The following PPIP5K2 variants were observed in gnomAD, a reference collection of about 807,000 sequenced individuals.
The protein encoded by PPIP5K2 is diphosphoinositol pentakisphosphate kinase 2.
PPIP5K2 carries 105 observed loss-of-function variants against 154.6 expected under a neutral mutation model. The observed-to-expected ratio is 0.68, with a 90% CI of 0.58 to 0.80. The LOEUF is 0.80. Ranked by LOEUF, PPIP5K2 falls within the 30% of genes least tolerant of loss-of-function variation. The pLI is 0.00. For synonymous variants in PPIP5K2, 480 were observed against 490.3 expected (o/e 0.98, Z 0.28); for missense variants, 992 against 1,504.6 (o/e 0.66, Z 5.64).
rs143121430 is a variant in PPIP5K2 at position 103,196,412 on chromosome 5, A to G, written c.3619+1387A>G. On this transcript the variant is annotated intron_variant, in intron 30 of 30. Transcript: ENST00000358359. ...AACTAATAAGTATGTGAAACAACAG[A>G]CAATTGAATAAGTATCTTAAACATA... 6.8e-3 allele frequency among the ~76,000 whole-genome samples: 1,029 copies of G among 152,318 alleles called. 7 individuals carry two copies. The highest frequency in any genetic ancestry group is 0.013 in the Non-Finnish European group (856 of 68,012).
chr5:103,164,818 C>G (rs938044927), intron 17 of PPIP5K2, among the ~76,000 whole-genome samples: 18 of 152,058 alleles, frequency 1.2e-4, no homozygotes, highest in Admixed American at 3.3e-4. Context: ...GGTTAAATAA[C>G]TTGCCAAGCT....
intron 5 of PPIP5K2, among the ~76,000 whole-genome samples, chr5:103,138,848 A>G (rs189346658): frequency 7.5e-4 from 114 of 152,386 alleles, no homozygotes; most frequent in African/African-American, 2.6e-3. Context: ...CTGGCCAAGA[A>G]TTTGGAAATA....
chr5:103,164,769 C>T (rs1160062365), intron 17 of PPIP5K2, among the ~76,000 whole-genome samples: 1 of 152,050 alleles, frequency 6.6e-6, no homozygotes, highest in Non-Finnish European at 1.5e-5. Context: ...AGTAGAATTG[C>T]ACTTGACATT....
chr5:103,124,095 A>C (rs1789222606), intron 1 of PPIP5K2, among the ~76,000 whole-genome samples: 1 of 152,014 alleles, frequency 6.6e-6, no homozygotes, highest in Non-Finnish European at 1.5e-5. Flanking sequence ...CCTGGCTAAC[A>C]CTGTGAAACT....
intron 1 of PPIP5K2, among the ~76,000 whole-genome samples, chr5:103,122,735 T>G (rs1788977055): frequency 6.6e-6 from 1 of 152,168 alleles, no homozygotes; most frequent in African/African-American, 2.4e-5. Flanking sequence ...GAGCTCCCAT[T>G]TCCTCTGATT....
At chr5:103,153,299 T>C (rs1047976583) in intron 10 of PPIP5K2, among the ~76,000 whole-genome samples, 7 of 151,852 alleles carry the variant, frequency 4.6e-5, no homozygotes, top group African/African-American at 1.7e-4. Context: ...GGTAACTCAA[T>C]TGATAATCCT....
intron 1 of PPIP5K2, among the ~76,000 whole-genome samples, chr5:103,121,754 A>G (rs75027856): frequency 0.012 from 1,753 of 152,330 alleles, 18 homozygotes; most frequent in Middle Eastern, 0.02. Context: ...TTTAAAATCA[A>G]AGGTTGCTGT....
At chr5:103,180,273 G>T in intron 24 of PPIP5K2, 85 bp downstream of exon 24, 2 of 1,208,086 alleles carry the variant, frequency 1.7e-6, no homozygotes, top group Admixed American at 6.6e-5. Flanking sequence ...AGCTTTAATT[G>T]TGGAGCTTGG....
In PPIP5K2 at chr5:103,204,850, A is replaced by G. The variant is rs1803416127; in HGVS notation, c.*3216A>G. 1 of 152,068 alleles carries G rather than the reference A, an allele frequency of 6.6e-6. No individual in the cohort carries two copies. 9.4% of individuals were successfully genotyped at this position (152,068 alleles called of 1,614,324 possible). ...GTGAATTATAGCTCCTTAACTAAAT[A>G]TATTACTGAGTTTTTTTTTTAATAC... On this transcript the variant is annotated 3_prime_UTR_variant, in exon 31 of 31. Transcript: ENST00000358359.
At chr5:103,129,789 A>G in intron 2 of PPIP5K2, 86 bp downstream of exon 2, 1 of 1,395,072 alleles carries the variant, frequency 7.2e-7, no homozygotes, top group Non-Finnish European at 9.3e-7. Flanking sequence ...TTTTGTTGGA[A>G]AATTTTTGAA....
chr5:103,142,741 A>C (rs1793027056), intron 5 of PPIP5K2, among the ~76,000 whole-genome samples: 1 of 149,120 alleles, frequency 6.7e-6, no homozygotes, highest in Non-Finnish European at 1.5e-5. Flanking sequence ...GCGCCACTGC[A>C]CTCCAGCCTG....
In PPIP5K2 at chr5:103,207,592, A is replaced by T. The variant is rs26815; in HGVS notation, c.*5958A>T. 0.45 allele frequency: 68,005 copies of T among 151,662 alleles called. 16,732 individuals carry two copies. The highest frequency in any genetic ancestry group is 0.66 in the African/African-American group (27,380 of 41,350). The allele number at this position is 151,662 out of a possible 1,614,324, so 9.4% of individuals were successfully genotyped here. A position where few individuals can be genotyped will look rare whatever the true frequency, so the allele number is the denominator to read the frequency against. ...TTTTAAAGTCTATATATATATATAT[A>T]TAGATCCTATCTGTTGACTCCTTGC... On this transcript the variant is annotated 3_prime_UTR_variant, in exon 31 of 31. Coordinates refer to ENST00000358359, the MANE Select transcript of PPIP5K2 (RefSeq NM_001276277.3).
Position 103,207,487 on chromosome 5 carries a change from A to G in PPIP5K2, c.*5853A>G, listed in dbSNP as rs373582779. On this transcript the variant is annotated 3_prime_UTR_variant, in exon 31 of 31. Coordinates refer to ENST00000358359, the MANE Select transcript of PPIP5K2 (RefSeq NM_001276277.3). ...AATGTATGCTGTATACTACACTTGC[A>G]TTATGTTATTCACATTTGCTATAGT... 1.3e-5 allele frequency: 2 copies of G among 152,154 alleles called. No homozygotes were observed. Among genetic ancestry groups the G allele is most frequent in the East Asian group, 3.9e-4 (2 of 5,192 alleles). 9.4% of individuals were successfully genotyped at this position (152,154 alleles called of 1,614,324 possible).
At chr5:103,145,595 G>A (rs782505843) in intron 5 of PPIP5K2, among the ~76,000 whole-genome samples, 2 of 152,026 alleles carry the variant, frequency 1.3e-5, no homozygotes, top group Non-Finnish European at 2.9e-5. Flanking sequence ...CAACAACATG[G>A]ATGGAACTGG....
intron 13 of PPIP5K2, 94 bp downstream of exon 13, chr5:103,155,037 G>C: frequency 4.4e-6 from 3 of 682,290 alleles, no homozygotes; most frequent in Non-Finnish European, 6.6e-6. Flanking sequence ...TTCACAGTCT[G>C]ATCTTTTTAC....
intron 30 of PPIP5K2, among the ~76,000 whole-genome samples, chr5:103,200,646 A>T (rs1554229980): frequency 1.4e-5 from 2 of 143,178 alleles, no homozygotes; most frequent in Non-Finnish European, 3.0e-5. Flanking sequence ...TTATTTATTT[A>T]TTCTTTTGAG....
At position 103,127,595 on chromosome 5, in the gene PPIP5K2, A is replaced by G. The variant is rs138081225; in HGVS notation, c.-284-1711A>G. Among the ~76,000 whole-genome samples the G allele has an allele frequency of 2.8e-3, 434 of 152,320 alleles. 3 individuals are homozygous for G. Among genetic ancestry groups the G allele is most frequent in the African/African-American group, 9.5e-3 (393 of 41,574 alleles). On this transcript the variant is annotated intron_variant, in intron 1 of 30. Coordinates refer to ENST00000358359, the MANE Select transcript of PPIP5K2 (RefSeq NM_001276277.3). ...AGAGTCAGTAGGGAGTTTGGTTTACAGGAGTGTTCATGGAAACTATGGTTT... is the reference window on the plus strand; with the variant it reads ...AGAGTCAGTAGGGAGTTTGGTTTACGGGAGTGTTCATGGAAACTATGGTTT...
intron 18 of PPIP5K2, among the ~76,000 whole-genome samples, chr5:103,167,563 T>C (rs934666539): frequency 3.9e-5 from 6 of 151,982 alleles, no homozygotes; most frequent in Non-Finnish European, 8.8e-5. Flanking sequence ...CATTGCTATA[T>C]AGTTAAGCAG....
chr5:103,183,530 T>G, intron 25 of PPIP5K2, 123 bp downstream of exon 25: 1 of 819,642 alleles, frequency 1.2e-6, no homozygotes, highest in Non-Finnish European at 1.9e-6. Flanking sequence ...TTTTTTAATT[T>G]TGAGTTCATT....
Sources: allele counts gnomAD v4.1 joint callset (sites outside exome capture counted in the v4.1 genomes callset), GRCh38; gene constraint gnomAD v4.1.1; transcripts MANE v1.5; gene names NCBI Gene and HGNC (gene_info 2026-07-23, HGNC 2026-07-21).